Variants in PAFAH1B2 observed in about 807,000 individuals in gnomAD.
PAFAH1B2 encodes the protein platelet-activating factor acetylhydrolase IB subunit alpha2.
Under a neutral mutation model 28.0 loss-of-function variants are expected in PAFAH1B2, and 8 were observed. The ratio of observed to expected loss-of-function variants is 0.29; its 90% CI spans 0.17 to 0.52. PAFAH1B2 has a LOEUF of 0.52. Among genes scored for constraint, PAFAH1B2 ranks in the 20% least tolerant of loss-of-function variants. The pLI, the probability that PAFAH1B2 is intolerant of heterozygous loss-of-function variation, is 0.97. For synonymous variants in PAFAH1B2, 104 were observed against 103.2 expected (o/e 1.01, Z -0.05); for missense variants, 190 against 282.6 (o/e 0.67, Z 2.35).
intron 5 of PAFAH1B2, chr11:117,164,143 C>T: frequency 3.3e-6 from 1 of 305,790 alleles, no homozygotes; most frequent in Non-Finnish European, 6.1e-6. Context: ...CGCTGTGGCT[C>T]ACGCCTGTAA....
chr11:117,160,069 TC>T, intron 3 of PAFAH1B2, 46 bp downstream of exon 3: 1 of 1,253,576 alleles, frequency 8.0e-7, no homozygotes, highest in Non-Finnish European at 1.2e-6. Flanking sequence ...CTCATGTATA[TC>T]CATTCATTAC....
chr11:117,147,288 T>A (rs1051840971), intron 1 of PAFAH1B2, among the ~76,000 whole-genome samples: 1 of 152,154 alleles, frequency 6.6e-6, no homozygotes. Flanking sequence ...AAAGCCAGTT[T>A]AATTTTTATT....
rs1956611773 is a variant in PAFAH1B2 at position 117,170,015 on chromosome 11, G to A, written c.*2316G>A. ...TTTTATATCTACCAGAGCTATTCAAGCAATAGTATTTGAACCACTAGCCTT... is the reference window on the plus strand; with the variant it reads ...TTTTATATCTACCAGAGCTATTCAAACAATAGTATTTGAACCACTAGCCTT... On this transcript the variant is annotated 3_prime_UTR_variant, in exon 6 of 6. Coordinates refer to ENST00000527958, the MANE Select transcript of PAFAH1B2 (RefSeq NM_002572.4). 9.5e-7 allele frequency: 1 copy of A among 1,054,900 alleles called. No individual in the cohort carries two copies. The highest frequency in any genetic ancestry group is 5.4e-5 in the Admixed American group (1 of 18,364). 65.3% of individuals were successfully genotyped at this position (1,054,900 alleles called of 1,614,324 possible).
chr11:117,156,534 TGAG>T (rs1379282699), intron 2 of PAFAH1B2, among the ~76,000 whole-genome samples: 1 of 152,178 alleles, frequency 6.6e-6, no homozygotes, highest in East Asian at 1.9e-4. Context: ...TGAAAAAAGA[TGAG>T]GAGAAAACAC....
intron 5 of PAFAH1B2, 199 bp downstream of exon 5, chr11:117,164,091 A>G (rs1040672389): frequency 2.0e-6 from 1 of 504,010 alleles, no homozygotes; most frequent in Non-Finnish European, 3.5e-6. Context: ...GCCATCTTTT[A>G]TCCACGCATC....
chr11:117,174,920 C>G, downstream of PAFAH1B2: 1 of 1,527,094 alleles, frequency 6.5e-7, no homozygotes, highest in Non-Finnish European at 8.8e-7. Flanking sequence ...AGGCCATCTT[C>G]AGGTCATTTT....
downstream of PAFAH1B2, chr11:117,171,714 C>CA (rs1296711610): frequency 6.5e-7 from 1 of 1,535,928 alleles, no homozygotes; most frequent in Non-Finnish European, 8.7e-7. Flanking sequence ...ATCCTGATGA[C>CA]ACACCAGCAA....
At chr11:117,174,593 C>T (rs1397293199), downstream of PAFAH1B2, among the ~76,000 whole-genome samples, 1 of 152,070 alleles carries the variant, frequency 6.6e-6, no homozygotes, top group Non-Finnish European at 1.5e-5. Flanking sequence ...ATTCTCCTGC[C>T]TCAGCCTCCG....
downstream of PAFAH1B2, among the ~76,000 whole-genome samples, chr11:117,172,867 C>A (rs1956702844): frequency 6.6e-6 from 1 of 152,162 alleles, no homozygotes; most frequent in African/African-American, 2.4e-5. Flanking sequence ...CCACGCCTGG[C>A]TAGTTTTTGT....
chr11:117,145,537 T>C (rs1955983338), intron 1 of PAFAH1B2, among the ~76,000 whole-genome samples: 1 of 152,228 alleles, frequency 6.6e-6, no homozygotes, highest in South Asian at 2.1e-4. Flanking sequence ...TGGCTTCTTC[T>C]GGGCACATTG....
chr11:117,172,306 A>G (rs1956665435), downstream of PAFAH1B2, among the ~76,000 whole-genome samples: 1 of 138,744 alleles, frequency 7.2e-6, no homozygotes, highest in Non-Finnish European at 1.6e-5. Flanking sequence ...GTGGCCTGAT[A>G]TTATGCTATG....
chr11:117,175,698 C>A (rs180851783), downstream of PAFAH1B2: 107 of 1,177,678 alleles, frequency 9.1e-5, no homozygotes, highest in African/African-American at 1.2e-3. Flanking sequence ...GGCTCCACCT[C>A]CCAAGATGAA....
At chr11:117,145,903 T>C (rs1422046919) in intron 1 of PAFAH1B2, among the ~76,000 whole-genome samples, 1 of 152,220 alleles carries the variant, frequency 6.6e-6, no homozygotes, top group East Asian at 1.9e-4. Context: ...ACTATGCTGG[T>C]ATAAGCACTT....
chr11:117,158,258 T>C (rs975482783), intron 2 of PAFAH1B2, among the ~76,000 whole-genome samples: 14 of 152,138 alleles, frequency 9.2e-5, no homozygotes, highest in African/African-American at 3.4e-4. Flanking sequence ...CCCAGGCTGG[T>C]CTCGAATGCC....
intron 2 of PAFAH1B2, among the ~76,000 whole-genome samples, chr11:117,153,717 A>G (rs1022623181): frequency 4.6e-5 from 7 of 152,104 alleles, no homozygotes; most frequent in African/African-American, 1.7e-4. Context: ...CTATATGTAT[A>G]TACTAACGTA....
chr11:117,165,613 TTAGAG>T (rs1239724238), intron 5 of PAFAH1B2, among the ~76,000 whole-genome samples: 1 of 152,128 alleles, frequency 6.6e-6, no homozygotes, highest in African/African-American at 2.4e-5. Flanking sequence ...TGTGTGCTGT[TTAGAG>T]TAAGGTGAAA....
chr11:117,165,270 A>C (rs1338808190), intron 5 of PAFAH1B2, among the ~76,000 whole-genome samples: 1 of 148,802 alleles, frequency 6.7e-6, no homozygotes, highest in African/African-American at 2.5e-5. Flanking sequence ...GAATTTCTTA[A>C]ACCTGGGAGG....
downstream of PAFAH1B2, among the ~76,000 whole-genome samples, chr11:117,177,755 C>T (rs1173278414): frequency 6.6e-6 from 1 of 152,222 alleles, no homozygotes; most frequent in Non-Finnish European, 1.5e-5. Context: ...TGGCTGGTCT[C>T]GAACTCCTGA....
downstream of PAFAH1B2, chr11:117,175,386 T>A: frequency 9.3e-7 from 1 of 1,072,860 alleles, no homozygotes; most frequent in Non-Finnish European, 1.1e-6. Flanking sequence ...AAGTGCGGGG[T>A]AGGGCAGAGG....
Sources: gnomAD v4.1 joint callset for allele counts (sites outside exome capture counted in the v4.1 genomes callset) on GRCh38, gnomAD v4.1.1 for gene constraint, MANE v1.5 for transcripts, NCBI Gene and HGNC (gene_info 2026-07-23, HGNC 2026-07-21) for gene names.